The following NOX4 variants were observed in gnomAD, a reference collection of about 807,000 sequenced individuals.
The protein encoded by NOX4 is kidney oxidase-1.
A neutral mutation model predicts 87.6 loss-of-function variants in NOX4; 69 were observed. The ratio of observed to expected loss-of-function variants is 0.79; its 90% CI spans 0.65 to 0.96. The LOEUF is 0.96. Ranked by LOEUF, NOX4 falls within the 40% of genes least tolerant of loss-of-function variation. The pLI, the probability that NOX4 is intolerant of heterozygous loss-of-function variation, is 0.00. For missense variants in NOX4, 680 were observed against 681.5 expected, an observed-to-expected ratio of 1.00 and a Z score of 0.02; for synonymous variants, 275 against 238.2, an observed-to-expected ratio of 1.15 and a Z score of -1.42.
intron 2 of NOX4, among the ~76,000 whole-genome samples, chr11:89,460,734 G>A (rs7943192): frequency 0.035 from 5,280 of 152,270 alleles, 290 homozygotes; most frequent in African/African-American, 0.12. Flanking sequence ...TTCAACCATT[G>A]TGGAAGTCAG....
the NOX4 span, among the ~76,000 whole-genome samples, chr11:89,522,004 T>C: frequency 1.3e-5 from 2 of 148,678 alleles, no homozygotes; most frequent in Non-Finnish European, 3.0e-5. Context: ...TCAAAATGGT[T>C]ACTGTTAGAA....
the NOX4 span, among the ~76,000 whole-genome samples, chr11:89,560,458 T>C: frequency 6.6e-6 from 1 of 152,106 alleles, no homozygotes; most frequent in African/African-American, 2.4e-5. Context: ...GCAATTGTGA[T>C]GGTTAATTTT....
At chr11:89,456,225 A>G (rs985419264) in intron 2 of NOX4, among the ~76,000 whole-genome samples, 1 of 152,192 alleles carries the variant, frequency 6.6e-6, no homozygotes, top group Admixed American at 6.5e-5. Flanking sequence ...AAAATTGTTT[A>G]AGAAGGTAAA....
At chr11:89,517,647 A>G in the NOX4 span, among the ~76,000 whole-genome samples, 14 of 150,590 alleles carry the variant, frequency 9.3e-5, no homozygotes, top group South Asian at 2.9e-3. Context: ...TTTTTTTTCA[A>G]TTTTAAAAAC....
intron 11 of NOX4, among the ~76,000 whole-genome samples, chr11:89,386,903 GT>G (rs1228340627): frequency 1.3e-5 from 2 of 152,146 alleles, no homozygotes; most frequent in African/African-American, 4.8e-5. Flanking sequence ...TGGACCTTGT[GT>G]CTTCTGTTTA....
At chr11:89,574,017 G>A in the NOX4 span, among the ~76,000 whole-genome samples, 1 of 152,162 alleles carries the variant, frequency 6.6e-6, no homozygotes, top group Non-Finnish European at 1.5e-5. Context: ...CTGGGAAGTT[G>A]CTTCTTCCTG....
intron 17 of NOX4, among the ~76,000 whole-genome samples, chr11:89,331,575 T>G (rs1442628316): frequency 3.9e-5 from 6 of 151,910 alleles, no homozygotes; most frequent in African/African-American, 1.4e-4. Flanking sequence ...TTTATTTCTT[T>G]GTATAAACTT....
chr11:89,489,741 G>A (rs58617720), intron 2 of NOX4, among the ~76,000 whole-genome samples: 68,886 of 136,836 alleles, frequency 0.5, 20,262 homozygotes, highest in Non-Finnish European at 0.68. Context: ...AAAAAAAAAA[G>A]AAAGAAAGAA....
the NOX4 span, among the ~76,000 whole-genome samples, chr11:89,508,819 G>A: frequency 6.6e-6 from 1 of 152,040 alleles, no homozygotes; most frequent in Admixed American, 6.6e-5. Context: ...GGATCTGAAA[G>A]GTGAAGCCAC....
At chr11:89,571,382 C>T in the NOX4 span, among the ~76,000 whole-genome samples, 4 of 151,886 alleles carry the variant, frequency 2.6e-5, no homozygotes, top group African/African-American at 4.8e-5. Context: ...CTCCAACCTC[C>T]GCCTCCTGGG....
chr11:89,397,386 C>T (rs1941563199), intron 11 of NOX4, among the ~76,000 whole-genome samples: 5 of 152,068 alleles, frequency 3.3e-5, no homozygotes, highest in Admixed American at 3.3e-4. Context: ...AAAATTGGCA[C>T]CCTAATATCA....
At chr11:89,418,244 G>T (rs1942888362) in intron 8 of NOX4, among the ~76,000 whole-genome samples, 1 of 151,468 alleles carries the variant, frequency 6.6e-6, no homozygotes, top group South Asian at 2.1e-4. Context: ...CATTTAGTTT[G>T]GTGTAAGTTT....
At position 89,470,076 on chromosome 11, in the gene NOX4, A is replaced by AAATAAT. The variant is rs3066903; in HGVS notation, c.154-18187_154-18182dup. Among the ~76,000 whole-genome samples the AAATAAT allele has an allele frequency of 6.0e-5, 9 of 149,646 alleles. No homozygotes were observed. In the East Asian group the frequency reaches 8.0e-4, roughly 13 times the overall value. On this transcript the variant is annotated intron_variant, in intron 2 of 17. Coordinates refer to ENST00000263317, the MANE Select transcript of NOX4 (RefSeq NM_016931.5). ...CTCATTTTCCTCATCTGCAAAATGA[A>AAATAAT]AATAATAATAATAATAATAATAATA... is the stretch of plus-strand genomic sequence containing the variant.
At chr11:89,494,035 G>A (rs999521802), upstream of NOX4, among the ~76,000 whole-genome samples, 13 of 152,084 alleles carry the variant, frequency 8.5e-5, no homozygotes, top group African/African-American at 2.2e-4. Context: ...GATTACAGGC[G>A]TGAGCCACCG....
chr11:89,486,464 ATGTG>A (rs4002196), intron 2 of NOX4, among the ~76,000 whole-genome samples: 69 of 141,426 alleles, frequency 4.9e-4, no homozygotes, highest in African/African-American at 1.0e-3. Context: ...CAGCTAATAT[ATGTG>A]TGTGTGTGTG....
intron 6 of NOX4, among the ~76,000 whole-genome samples, chr11:89,439,596 G>T (rs1383912996): frequency 1.3e-5 from 2 of 151,972 alleles, no homozygotes; most frequent in Non-Finnish European, 2.9e-5. Context: ...TACTTAATTG[G>T]GTATTACACC....
rs779708438 is a variant in NOX4 at position 89,342,124 on chromosome 11, C to A, written c.1287G>T (p.Val429=). The change falls in exon 14 of 18, where the codon GTG becomes GTT. Residue 429 remains valine, a synonymous_variant. Coordinates refer to ENST00000263317, the MANE Select transcript of NOX4 (RefSeq NM_016931.5). ...ESLNYEVSLC[V]AGGIGVTPFA... Reference sequence around the variant, plus strand: ...ATGGAGTTACTCCAATGCCTCCAGCCACGCAGAGGCTGACCTCATAGTTCA... The same window carrying A: ...ATGGAGTTACTCCAATGCCTCCAGCAACGCAGAGGCTGACCTCATAGTTCA... 6.2e-7 allele frequency: 1 copy of A among 1,612,756 alleles called. No individual in the cohort carries two copies. Among genetic ancestry groups the A allele is most frequent in the East Asian group, 2.2e-5 (1 of 44,848 alleles).
the NOX4 span, among the ~76,000 whole-genome samples, chr11:89,574,290 A>G: frequency 6.6e-6 from 1 of 152,058 alleles, no homozygotes; most frequent in Non-Finnish European, 1.5e-5. Flanking sequence ...CCAGAGCCAC[A>G]CTATTTGGTG....
rs1459929312 is a variant in NOX4 at position 89,364,309 on chromosome 11, T to TAC, written c.1135+9121_1135+9122dup. Among the ~76,000 whole-genome samples, 35 of 152,116 alleles carry TAC rather than the reference T, an allele frequency of 2.3e-4. 1 individual carries two copies. The highest frequency in any genetic ancestry group is 4.1e-4 in the South Asian group (2 of 4,820). Reference sequence around the variant, plus strand: ...ATGTTTACATACACACATACATATATACACACACATATATATTTGCCTATA... The same window carrying TAC: ...ATGTTTACATACACACATACATATATACACACACACATATATATTTGCCTATA... On this transcript the variant is annotated intron_variant, in intron 12 of 17. Coordinates refer to ENST00000263317, the MANE Select transcript of NOX4 (RefSeq NM_016931.5).
Sources: allele counts gnomAD v4.1 joint callset (sites outside exome capture counted in the v4.1 genomes callset), GRCh38; gene constraint gnomAD v4.1.1; transcripts MANE v1.5; gene names NCBI Gene and HGNC (gene_info 2026-07-23, HGNC 2026-07-21).